Variants in LTBP1 observed in about 807,000 individuals in gnomAD.
LTBP1 encodes latent transforming growth factor beta binding protein 1, also known as latent-transforming growth factor beta-binding protein 1.
Under a neutral mutation model 207.6 loss-of-function variants are expected in LTBP1, and 129 were observed. That is an observed-to-expected ratio of 0.62 (90% CI 0.54 to 0.72). The LOEUF is 0.72. Ranked by LOEUF, LTBP1 falls within the 30% of genes least tolerant of loss-of-function variation. The pLI is 0.00. For missense variants in LTBP1, 2,281 were observed against 2,217.2 expected, an observed-to-expected ratio of 1.03 and a Z score of -0.58; for synonymous variants, 963 against 833.7, an observed-to-expected ratio of 1.16 and a Z score of -2.67.
At chr2:33,018,279 C>CTGAGCCGCA (rs1224256716) in intron 2 of LTBP1, among the ~76,000 whole-genome samples, 2 of 151,724 alleles carry the variant, frequency 1.3e-5, no homozygotes, top group South Asian at 2.1e-4. Context: ...GCGGCTCATT[C>CTGAGCCGCA]TTGGTGGTAC....
rs544231433 is a variant in LTBP1, at chr2:33,124,147, G to A, written c.1034-10646G>A. Among the ~76,000 whole-genome samples, 9 of 152,266 alleles carry A rather than the reference G, an allele frequency of 5.9e-5. No homozygotes were observed. The South Asian group carries it at 1.0e-3, about 18-fold the overall frequency. On this transcript the variant is annotated intron_variant, in intron 4 of 33. Coordinates refer to ENST00000404816, the MANE Select transcript of LTBP1 (RefSeq NM_206943.4). ...AATGCGGCCAGGTACGGTGGCTCAC[G>A]CCTGTAATCCAGGCACTTTAGGAGG...
intron 24 of LTBP1, among the ~76,000 whole-genome samples, chr2:33,326,225 G>C (rs982205058): frequency 6.6e-6 from 1 of 151,994 alleles, no homozygotes; most frequent in Non-Finnish European, 1.5e-5. Flanking sequence ...CAAACATCTG[G>C]CACACACAAT....
chr2:32,988,419 C>G (rs144337148), intron 2 of LTBP1, among the ~76,000 whole-genome samples: 10 of 152,282 alleles, frequency 6.6e-5, no homozygotes, highest in South Asian at 2.1e-4. Flanking sequence ...TTCTACCACA[C>G]TGAGCTCCTA....
chr2:33,187,131 A>C (rs561643397), intron 6 of LTBP1, 51 bp downstream of exon 6: 3 of 1,526,410 alleles, frequency 2.0e-6, no homozygotes, highest in East Asian at 2.3e-5. Context: ...AACCTGCCAA[A>C]CCCACATAGA....
intron 3 of LTBP1, among the ~76,000 whole-genome samples, chr2:33,032,947 T>G (rs1389268113): frequency 6.6e-6 from 1 of 152,200 alleles, no homozygotes; most frequent in African/African-American, 2.4e-5. Context: ...CAGATTAATT[T>G]AGGATGTTCA....
intron 7 of LTBP1, among the ~76,000 whole-genome samples, chr2:33,195,633 C>A (rs2088457411): frequency 6.6e-6 from 1 of 152,164 alleles, no homozygotes; most frequent in South Asian, 2.1e-4. Flanking sequence ...AAATCGACTC[C>A]TGGTGTAGAT....
At chr2:33,362,750 A>G (rs932287203) in intron 28 of LTBP1, among the ~76,000 whole-genome samples, 1 of 152,232 alleles carries the variant, frequency 6.6e-6, no homozygotes, top group Non-Finnish European at 1.5e-5. Flanking sequence ...AAAGCAATAG[A>G]TAACACTTTT....
intron 3 of LTBP1, among the ~76,000 whole-genome samples, chr2:33,099,617 G>A (rs1246085405): frequency 6.6e-6 from 1 of 152,192 alleles, no homozygotes; most frequent in Non-Finnish European, 1.5e-5. Context: ...TAACATTTGA[G>A]TTAGGGCTCT....
intron 3 of LTBP1, among the ~76,000 whole-genome samples, chr2:33,076,283 A>G (rs1047575696): frequency 6.6e-6 from 1 of 152,098 alleles, no homozygotes; most frequent in Non-Finnish European, 1.5e-5. Context: ...GCAATTGATT[A>G]TGTACTTGTG....
At position 33,349,555 on chromosome 2, in the gene LTBP1, A is replaced by G. The variant is rs1353166530; in HGVS notation, c.4000+2045A>G. On this transcript the variant is annotated intron_variant, in intron 26 of 33. Coordinates refer to ENST00000404816, the MANE Select transcript of LTBP1 (RefSeq NM_206943.4). ...TGTGTGGCTATCCTGCATAAACCCC[A>G]TCTGTTATGTATTACTTACACTTTC... 2.6e-5 allele frequency among the ~76,000 whole-genome samples: 4 copies of G among 152,146 alleles called. 1 individual carries two copies. The highest frequency in any genetic ancestry group is 4.8e-5 in the African/African-American group (2 of 41,436).
chr2:33,328,906 T>TA (rs2094462100), intron 24 of LTBP1, among the ~76,000 whole-genome samples: 3 of 152,340 alleles, frequency 2.0e-5, no homozygotes, highest in Admixed American at 2.0e-4. Context: ...GTATACTACA[T>TA]TATGTATCCA....
At chr2:33,187,716 G>A (rs991260573) in intron 6 of LTBP1, among the ~76,000 whole-genome samples, 2 of 152,154 alleles carry the variant, frequency 1.3e-5, no homozygotes, top group Admixed American at 6.6e-5. Context: ...TGAAAGCTAC[G>A]GAAAGTAGCT....
intron 18 of LTBP1, among the ~76,000 whole-genome samples, chr2:33,279,510 TG>T (rs1225423036): frequency 9.2e-6 from 1 of 108,314 alleles, no homozygotes; most frequent in African/African-American, 3.6e-5. Context: ...TCTCTCCTCA[TG>T]TTTTTTTTTT....
intron 5 of LTBP1, among the ~76,000 whole-genome samples, chr2:33,182,238 T>C (rs2086713221): frequency 6.6e-6 from 1 of 152,106 alleles, no homozygotes; most frequent in Non-Finnish European, 1.5e-5. Flanking sequence ...TTGAAACAAC[T>C]GTGTGGAGGT....
chr2:33,097,004 A>G (rs1417300696), intron 3 of LTBP1, among the ~76,000 whole-genome samples: 3 of 152,190 alleles, frequency 2.0e-5, no homozygotes, highest in African/African-American at 7.2e-5. Flanking sequence ...TGGGGATGGA[A>G]GGGAGAGGAA....
At position 33,342,880 on chromosome 2, in the gene LTBP1, G is replaced by C; in HGVS notation, c.3773G>C (p.Gly1258Ala). Reference protein sequence around the residue: ...CVNNTVCDSHGFCDNTAGSFR... With the variant: ...CVNNTVCDSHAFCDNTAGSFR... ...AACAACACTGTTTGTGACAGTCACG[G>C]GTTTTGTGACAATACAGCTGGCTCC... Residue 1258 changes from glycine to alanine, a missense_variant, in exon 25 of 34, where the codon GGG (glycine) becomes GCG (alanine). Transcript: ENST00000404816. 1.2e-6 allele frequency: 2 copies of C among 1,614,040 alleles called. No homozygotes were observed. Among genetic ancestry groups the C allele is most frequent in the Non-Finnish European group, 1.7e-6 (2 of 1,179,940 alleles).
intron 20 of LTBP1, among the ~76,000 whole-genome samples, chr2:33,297,768 A>G (rs2093908844): frequency 6.6e-6 from 1 of 152,184 alleles, no homozygotes; most frequent in Non-Finnish European, 1.5e-5. Flanking sequence ...ACAAAAAACT[A>G]AACACTAGAC....
chr2:33,233,263 A>G (rs1295292586), intron 9 of LTBP1, among the ~76,000 whole-genome samples: 9 of 151,842 alleles, frequency 5.9e-5, no homozygotes, highest in African/African-American at 2.2e-4. Flanking sequence ...TCTCAGTTCC[A>G]TTTTCCAATT....
chr2:33,326,640 A>T (rs888162494), intron 24 of LTBP1, among the ~76,000 whole-genome samples: 1 of 144,590 alleles, frequency 6.9e-6, no homozygotes, highest in African/African-American at 2.6e-5. Flanking sequence ...TGAGGGATAT[A>T]ATTTATTTAT....
Sources: allele counts gnomAD v4.1 joint callset (sites outside exome capture counted in the v4.1 genomes callset), GRCh38; gene constraint gnomAD v4.1.1; transcripts MANE v1.5; gene names NCBI Gene and HGNC (gene_info 2026-07-23, HGNC 2026-07-21).